Variants in HNRNPR observed in about 807,000 individuals in gnomAD.
HNRNPR encodes heterogeneous nuclear ribonucleoprotein R.
Under a neutral mutation model 70.3 loss-of-function variants are expected in HNRNPR, and 4 were observed. The observed-to-expected ratio is 0.06, with a 90% CI of 0.03 to 0.13. The LOEUF is 0.13. Ranked by LOEUF, HNRNPR falls within the 10% of genes least tolerant of loss-of-function variation. The pLI is 1.00. For synonymous variants in HNRNPR, 241 were observed against 267.6 expected, an observed-to-expected ratio of 0.90 and a Z score of 0.97; for missense variants, 423 against 788.5, an observed-to-expected ratio of 0.54 and a Z score of 5.55.
chr1:23,320,957 G>A (rs1342160983), intron 7 of HNRNPR, among the ~76,000 whole-genome samples: 4 of 151,822 alleles, frequency 2.6e-5, no homozygotes, highest in Admixed American at 1.3e-4. Context: ...ACCAGAGGTC[G>A]GGAGTTCTAG....
chr1:23,328,548 G>A (rs573959667), intron 5 of HNRNPR, among the ~76,000 whole-genome samples: 10 of 152,166 alleles, frequency 6.6e-5, no homozygotes, highest in South Asian at 4.2e-4. Flanking sequence ...CGCCCAGGCC[G>A]GAGTGCAGTG....
intron 7 of HNRNPR, among the ~76,000 whole-genome samples, chr1:23,320,304 A>G (rs1321637345): frequency 1.3e-5 from 2 of 152,248 alleles, no homozygotes; most frequent in Non-Finnish European, 2.9e-5. Flanking sequence ...GGGTGGTAGC[A>G]GTGGTTACAA....
Position 23,307,716 on chromosome 1 carries a change from G to A in HNRNPR, c.*2738C>T, listed in dbSNP as rs891245902. The A allele has an allele frequency of 6.6e-6, 1 of 151,960 alleles. No homozygotes were observed. The highest frequency in any genetic ancestry group is 1.5e-5 in the Non-Finnish European group (1 of 67,904). The allele number at this position is 151,960 out of a possible 1,614,324, so 9.4% of individuals were successfully genotyped here. On this transcript the variant is annotated 3_prime_UTR_variant, in exon 11 of 11. Transcript: ENST00000302271. ...CAAATAAAAATTAGTATTCCATTATGGGGAGGGGCATATTTGTATCGGTCT... is the reference window on the plus strand; with the variant it reads ...CAAATAAAAATTAGTATTCCATTATAGGGAGGGGCATATTTGTATCGGTCT...
intron 9 of HNRNPR, 26 bp from the exon 10 acceptor site, chr1:23,311,348 TACA>T (rs1645329684): frequency 6.4e-6 from 9 of 1,411,936 alleles, no homozygotes; most frequent in South Asian, 1.2e-5. Context: ...AAAATTATTT[TACA>T]ACGATATAAA....
Position 23,330,945 on chromosome 1 carries a change from T to C in HNRNPR, c.498+2573A>G, listed in dbSNP as rs533701555. ...TCACAATTAAAACCAATTTATTATA[T>C]CTACTAGCAACACATTAAAAACCTA... is the stretch of plus-strand genomic sequence containing the variant. On this transcript the variant is annotated intron_variant, in intron 5 of 10. Transcript: ENST00000302271. Among the ~76,000 whole-genome samples, 4 of 152,302 alleles carry C rather than the reference T, an allele frequency of 2.6e-5. No individual in the cohort carries two copies. The East Asian group carries it at 7.7e-4, about 29-fold the overall frequency.
At position 23,313,656 on chromosome 1, in the gene HNRNPR, T is replaced by C; in HGVS notation, c.1064A>G (p.Glu355Gly). The C allele has an allele frequency of 6.2e-7, 1 of 1,606,250 alleles. No individual in the cohort carries two copies. The highest frequency in any genetic ancestry group is 8.5e-7 in the Non-Finnish European group (1 of 1,177,912). ...TTCAGAAAATGACTTTTCCAATATT[T>C]CTTCTGTCACCGTAGTAGCCAAGTT... ...VRNLATTVTE[E>G]ILEKSFSEFG... Residue 355 changes from glutamate (E) to glycine (G), a missense_variant, in exon 9 of 11, where the codon GAA becomes GGA. Transcript: ENST00000302271.
chr1:23,338,884 C>T (rs1646605198), intron 2 of HNRNPR, among the ~76,000 whole-genome samples: 1 of 152,182 alleles, frequency 6.6e-6, no homozygotes, highest in African/African-American at 2.4e-5. Context: ...TTCCCACTCC[C>T]CCAAAGGTAT....
At chr1:23,338,289 A>G (rs922182583) in intron 3 of HNRNPR, 12 of 393,878 alleles carry the variant, frequency 3.0e-5, no homozygotes, top group African/African-American at 2.3e-4. Flanking sequence ...AACTTACTGC[A>G]CAAGGGGGTG....
chr1:23,335,196 G>A (rs1236772157), intron 4 of HNRNPR, among the ~76,000 whole-genome samples: 1 of 152,250 alleles, frequency 6.6e-6, no homozygotes, highest in Non-Finnish European at 1.5e-5. Flanking sequence ...GGGATTACAG[G>A]CGTGAGCCAC....
In HNRNPR at chr1:23,310,429, G is replaced by T; in HGVS notation, c.*25C>A. 1 of 1,541,146 alleles carries T rather than the reference G, an allele frequency of 6.5e-7. No homozygotes were observed. The highest frequency in any genetic ancestry group is 8.7e-7 in the Non-Finnish European group (1 of 1,145,700). On this transcript the variant is annotated 3_prime_UTR_variant, in exon 11 of 11. Transcript: ENST00000302271. The surrounding 1 kb of genome is among the most constrained non-coding windows in gnomAD (Gnocchi z 6.0). ...ATCTAGAGCCAATCGTATCTTGCCAGTATCATTTTCAAGCCCTTACTTGTC... is the reference window on the plus strand; with the variant it reads ...ATCTAGAGCCAATCGTATCTTGCCATTATCATTTTCAAGCCCTTACTTGTC...
intron 4 of HNRNPR, among the ~76,000 whole-genome samples, chr1:23,334,458 A>C (rs1646382946): frequency 6.6e-6 from 1 of 151,426 alleles, no homozygotes; most frequent in Admixed American, 6.6e-5. Context: ...GGATGGTCTC[A>C]ATCTCCTGAT....
rs894406229 is a variant in HNRNPR, at chr1:23,337,771, C to G, written c.367G>C (p.Asp123His). 1 of 1,610,222 alleles carries G rather than the reference C, an allele frequency of 6.2e-7. No homozygotes were observed. Among genetic ancestry groups the G allele is most frequent in the Non-Finnish European group, 8.5e-7 (1 of 1,177,428 alleles). ...AGTTTTACCTTGATCTTCGCTTCATCAGGTCCCTTTGTGGACTCTTGCACC... is the reference window on the plus strand; with the variant it reads ...AGTTTTACCTTGATCTTCGCTTCATGAGGTCCCTTTGTGGACTCTTGCACC... The part of the protein sequence containing the change: ...SKVQESTKGP[D>H]EAKIKALLER... The change falls in exon 4 of 11, where the codon GAT (aspartate) becomes CAT (histidine). Residue 123 changes from aspartate to histidine, a missense_variant. Coordinates refer to ENST00000302271, the MANE Select transcript of HNRNPR (RefSeq NM_005826.5).
chr1:23,339,166 C>G (rs374404765), intron 2 of HNRNPR, among the ~76,000 whole-genome samples: 1 of 152,330 alleles, frequency 6.6e-6, no homozygotes, highest in East Asian at 1.9e-4. Flanking sequence ...ATTTGTTTAT[C>G]TGAGCATCCA....
At chr1:23,325,831 T>A (rs1473802260) in intron 5 of HNRNPR, among the ~76,000 whole-genome samples, 2 of 152,098 alleles carry the variant, frequency 1.3e-5, no homozygotes, top group African/African-American at 4.8e-5. Context: ...TTACTTTAGA[T>A]TGTATTATAT....
rs1645261994 is a variant in HNRNPR at position 23,309,609 on chromosome 1, A to T, written c.*845T>A. ...ATCAATGAAAGTGCTAATTGGAATA[A>T]ATACTTGAATTTAGACTAATCCTCA... is the stretch of plus-strand genomic sequence containing the variant. On this transcript the variant is annotated 3_prime_UTR_variant, in exon 11 of 11. Transcript: ENST00000302271. The T allele has an allele frequency of 6.6e-6, 1 of 152,580 alleles. No individual in the cohort carries two copies. Among genetic ancestry groups the T allele is most frequent in the Admixed American group, 6.5e-5 (1 of 15,276 alleles). The allele number at this position is 152,580 out of a possible 1,614,324, so 9.5% of individuals were successfully genotyped here.
rs1305321883 is a variant in HNRNPR at position 23,310,165 on chromosome 1, A to T, written c.*289T>A. 3.9e-6 allele frequency: 1 copy of T among 255,374 alleles called. No homozygotes were observed. The highest frequency in any genetic ancestry group is 7.4e-6 in the Non-Finnish European group (1 of 135,652). The allele number at this position is 255,374 out of a possible 1,614,324, so 15.8% of individuals were successfully genotyped here. A position where few individuals can be genotyped will look rare whatever the true frequency, so the allele number is the denominator to read the frequency against. Reference sequence around the variant, plus strand: ...AAAGGTTCTGCAAAATCATGATTTAACAGTGTGCCCAGCTTGTTTTGAAGC... The same window carrying T: ...AAAGGTTCTGCAAAATCATGATTTATCAGTGTGCCCAGCTTGTTTTGAAGC... On this transcript the variant is annotated 3_prime_UTR_variant, in exon 11 of 11. Transcript: ENST00000302271. This position sits in a 1 kb window ranked among gnomAD's most constrained non-coding sequence, Gnocchi z 6.0.
chr1:23,318,775 G>A lies in HNRNPR; in HGVS notation c.812-87C>T. ...CAGACCTAAATCCACTTGACGATGA[G>A]CAAAATATAAGTGAAGCAGCCTCAA... On this transcript the variant is annotated intron_variant, in intron 7 of 10. Transcript: ENST00000302271. This position sits in a 1 kb window ranked among gnomAD's most constrained non-coding sequence, Gnocchi z 4.2. 1 of 1,269,674 alleles carries A rather than the reference G, an allele frequency of 7.9e-7. No homozygotes were observed. Among genetic ancestry groups the A allele is most frequent in the South Asian group, 1.3e-5 (1 of 75,420 alleles). The allele number at this position is 1,269,674 out of a possible 1,614,324, so 78.7% of individuals were successfully genotyped here.
chr1:23,340,410 G>A (rs549930452), intron 2 of HNRNPR, among the ~76,000 whole-genome samples: 1 of 151,938 alleles, frequency 6.6e-6, no homozygotes, highest in African/African-American at 2.4e-5. Flanking sequence ...AACTCTCAAG[G>A]AGTCTGACAT....
chr1:23,325,550 C>T (rs933798076), intron 5 of HNRNPR, among the ~76,000 whole-genome samples: 3 of 152,152 alleles, frequency 2.0e-5, no homozygotes, highest in Admixed American at 2.0e-4. Flanking sequence ...CTAAGGATAT[C>T]ACCTGAGAAA....
Sources: gnomAD v4.1 joint callset for allele counts (sites outside exome capture counted in the v4.1 genomes callset) on GRCh38, gnomAD v4.1.1 for gene constraint, Gnocchi (gnomAD v3.1) non-coding constraint, MANE v1.5 for transcripts, NCBI Gene and HGNC (gene_info 2026-07-23, HGNC 2026-07-21) for gene names.